The following SLC35F4 variants were observed in gnomAD, a reference collection of about 807,000 sequenced individuals.
SLC35F4 encodes the protein chromosome 14 open reading frame 36.
SLC35F4 carries 24 observed loss-of-function variants against 44.2 expected under a neutral mutation model. The ratio of observed to expected loss-of-function variants is 0.54; its 90% CI spans 0.39 to 0.76. The LOEUF (loss-of-function observed/expected upper bound fraction) is 0.76. SLC35F4 is among the 30% of genes least tolerant of loss of function. The pLI, the probability that SLC35F4 is intolerant of heterozygous loss-of-function variation, is 0.00. For synonymous variants in SLC35F4, 238 were observed against 223.6 expected (o/e 1.06, Z -0.57); for missense variants, 562 against 586.1 (o/e 0.96, Z 0.42).
At chr14:57,881,133 C>G (rs755285307) in intron 1 of SLC35F4, among the ~76,000 whole-genome samples, 2 of 151,908 alleles carry the variant, frequency 1.3e-5, no homozygotes, top group South Asian at 2.1e-4. Context: ...GCCTCCTCCA[C>G]GTCAAACTCA....
intron 1 of SLC35F4, among the ~76,000 whole-genome samples, chr14:57,746,835 GT>G (rs2076767601): frequency 1.3e-5 from 2 of 152,210 alleles, no homozygotes; most frequent in African/African-American, 2.4e-5. Flanking sequence ...GAGAAAATAT[GT>G]TTTTTAAACG....
intron 1 of SLC35F4, among the ~76,000 whole-genome samples, chr14:57,644,138 T>G (rs984184622): frequency 3.9e-5 from 6 of 152,172 alleles, no homozygotes; most frequent in Non-Finnish European, 8.8e-5. Flanking sequence ...TACCCAGTAA[T>G]GGGATGGCTG....
chr14:57,609,419 C>T (rs948400817), intron 1 of SLC35F4, among the ~76,000 whole-genome samples: 1 of 152,104 alleles, frequency 6.6e-6, no homozygotes, highest in Non-Finnish European at 1.5e-5. Flanking sequence ...TGTTTAATCA[C>T]AATCCTCACC....
chr14:57,938,404 TCAGA>T lies in SLC35F4; in HGVS notation n.282+43505_282+43508del, dbSNP rs764885076. Among the ~76,000 whole-genome samples the T allele has an allele frequency of 9.2e-4, 139 of 151,840 alleles. 1 individual carries two copies. Among genetic ancestry groups the T allele is most frequent in the Non-Finnish European group, 1.5e-3 (104 of 67,966 alleles). On this transcript the variant is annotated intron_variant and non_coding_transcript_variant, in intron 1 of 1. Transcript: ENST00000556568. The stretch of plus-strand genomic sequence containing the variant: ...GGTTAAGAACGGGAGGTTCAGGGAG[TCAGA>T]CAGACCAGGCTTGAATCCTGGCCCA...
At chr14:57,938,279 A>T (rs1889852010) in intron 1 of SLC35F4, among the ~76,000 whole-genome samples, 1 of 152,176 alleles carries the variant, frequency 6.6e-6, no homozygotes. Context: ...CAGACAGAGG[A>T]AAAAACAAAG....
intron 1 of SLC35F4, among the ~76,000 whole-genome samples, chr14:57,678,941 C>T (rs1159793772): frequency 2.0e-5 from 3 of 151,926 alleles, no homozygotes; most frequent in Non-Finnish European, 4.4e-5. Flanking sequence ...ACTTTAACAC[C>T]CCACTGTCAA....
At chr14:57,943,807 G>T (rs1389879921) in intron 1 of SLC35F4, among the ~76,000 whole-genome samples, 1 of 152,174 alleles carries the variant, frequency 6.6e-6, no homozygotes. Flanking sequence ...TATCCCCAGT[G>T]GTCCCTCCTC....
At chr14:57,677,813 T>A (rs1377213182) in intron 1 of SLC35F4, among the ~76,000 whole-genome samples, 2 of 151,744 alleles carry the variant, frequency 1.3e-5, no homozygotes, top group Non-Finnish European at 2.9e-5. Flanking sequence ...AAAAAAAAAA[T>A]TATTAATACC....
chr14:57,787,981 G>C (rs1214800150), intron 1 of SLC35F4, among the ~76,000 whole-genome samples: 1 of 152,142 alleles, frequency 6.6e-6, no homozygotes, highest in Non-Finnish European at 1.5e-5. Flanking sequence ...CAGAACTGCA[G>C]AATGGATAAG....
intron 1 of SLC35F4, among the ~76,000 whole-genome samples, chr14:57,788,170 A>C (rs1310546096): frequency 2.0e-5 from 3 of 152,232 alleles, no homozygotes; most frequent in Non-Finnish European, 4.4e-5. Flanking sequence ...AGAGACAAGG[A>C]GGGACATTAT....
chr14:57,600,641 G>T (rs2070760190), intron 1 of SLC35F4, among the ~76,000 whole-genome samples: 1 of 109,336 alleles, frequency 9.1e-6, no homozygotes, highest in Admixed American at 1.4e-4. Flanking sequence ...GCAGTGAGCC[G>T]AGATCCCGCC....
At chr14:57,673,713 T>G (rs549457467) in intron 1 of SLC35F4, among the ~76,000 whole-genome samples, 3 of 152,158 alleles carry the variant, frequency 2.0e-5, no homozygotes, top group Admixed American at 2.0e-4. Context: ...TTAGAAACAT[T>G]TTTTGAGGAA....
At chr14:57,615,685 A>G (rs2071775560) in intron 1 of SLC35F4, among the ~76,000 whole-genome samples, 1 of 152,126 alleles carries the variant, frequency 6.6e-6, no homozygotes, top group African/African-American at 2.4e-5. Context: ...TTTTTAAGAG[A>G]AATTTCAGTA....
At chr14:57,570,120 G>T in intron 5 of SLC35F4, 140 bp from the exon 6 acceptor site, 3 of 687,844 alleles carry the variant, frequency 4.4e-6, no homozygotes, top group Non-Finnish European at 7.0e-6. Context: ...CACAGCACTA[G>T]ATGGGCTGTT....
intron 1 of SLC35F4, among the ~76,000 whole-genome samples, chr14:57,788,507 A>AT (rs2077826874): frequency 6.6e-6 from 1 of 152,218 alleles, no homozygotes; most frequent in Non-Finnish European, 1.5e-5. Context: ...GATAGACCAT[A>AT]TGATAGGCCA....
rs185119967 is a variant in SLC35F4, at chr14:57,846,727, C to T, written c.103+18996G>A. Among the ~76,000 whole-genome samples the T allele has an allele frequency of 2.5e-4, 38 of 152,280 alleles. 1 individual carries two copies. The highest frequency in any genetic ancestry group is 2.3e-3 in the Admixed American group (35 of 15,300). On this transcript the variant is annotated intron_variant, in intron 1 of 7. Transcript: ENST00000556826. ...CAAAACTTGGAAAATCTAAAATAAA[C>T]TCATGAGTTATTAACAGTGACGTTA...
At chr14:57,959,733 A>G (rs1456323346) in intron 1 of SLC35F4, among the ~76,000 whole-genome samples, 1 of 152,224 alleles carries the variant, frequency 6.6e-6, no homozygotes, top group Non-Finnish European at 1.5e-5. Context: ...CGAGGATGGT[A>G]ACAATACCTA....
intron 1 of SLC35F4, among the ~76,000 whole-genome samples, chr14:57,612,750 C>T (rs1476570836): frequency 6.6e-6 from 1 of 152,126 alleles, no homozygotes; most frequent in African/African-American, 2.4e-5. Context: ...TTATCATCTC[C>T]AACTACGCAT....
chr14:57,953,922 C>A (rs1260834742), intron 1 of SLC35F4, among the ~76,000 whole-genome samples: 1 of 152,134 alleles, frequency 6.6e-6, no homozygotes, highest in East Asian at 1.9e-4. Flanking sequence ...CTGGACAAAG[C>A]GGACCTAATA....
Sources: gnomAD v4.1 joint callset for allele counts (sites outside exome capture counted in the v4.1 genomes callset) on GRCh38, gnomAD v4.1.1 for gene constraint, MANE v1.5 for transcripts, NCBI Gene and HGNC (gene_info 2026-07-23, HGNC 2026-07-21) for gene names.